The following AGBL4 variants were observed in gnomAD, a reference collection of about 807,000 sequenced individuals.
The protein encoded by AGBL4 is AGBL carboxypeptidase 4.
In AGBL4, 58 loss-of-function variants were observed where a neutral mutation model predicts 66.4. That is an observed-to-expected ratio of 0.87 (90% CI 0.71 to 1.09). AGBL4 has a LOEUF of 1.09. Ranked by LOEUF, AGBL4 falls within the 50% of genes least tolerant of loss-of-function variation. The pLI is 0.00. For missense variants in AGBL4, 579 were observed against 631.0 expected (o/e 0.92, Z 0.88); for synonymous variants, 234 against 222.9 (o/e 1.05, Z -0.44).
intron 5 of AGBL4, among the ~76,000 whole-genome samples, chr1:48,995,164 T>C (rs891328460): frequency 6.6e-6 from 1 of 152,180 alleles, no homozygotes; most frequent in African/African-American, 2.4e-5. Context: ...TCCCTCCATA[T>C]GTGATCTTCC....
intron 3 of AGBL4, among the ~76,000 whole-genome samples, chr1:49,464,291 A>T (rs1273388256): frequency 1.3e-5 from 2 of 151,826 alleles, no homozygotes. Flanking sequence ...GGAGATTATT[A>T]CTGTTTTACA....
intron 3 of AGBL4, among the ~76,000 whole-genome samples, chr1:49,481,003 T>G (rs1050616089): frequency 2.0e-5 from 3 of 152,082 alleles, no homozygotes; most frequent in Non-Finnish European, 2.9e-5. Context: ...TATGTGTGTG[T>G]TTTCATACCA....
intron 4 of AGBL4, among the ~76,000 whole-genome samples, chr1:49,078,939 A>G (rs552105737): frequency 2.0e-5 from 3 of 152,330 alleles, no homozygotes; most frequent in African/African-American, 7.2e-5. Flanking sequence ...TCCTTACTGC[A>G]GACTTCCAAG....
At chr1:49,804,101 T>C (rs1314227330) in intron 2 of AGBL4, among the ~76,000 whole-genome samples, 1 of 152,204 alleles carries the variant, frequency 6.6e-6, no homozygotes, top group East Asian at 1.9e-4. Flanking sequence ...TTACAGCTTC[T>C]CACAACAGAC....
At chr1:49,326,081 C>A (rs908041642) in intron 3 of AGBL4, among the ~76,000 whole-genome samples, 5 of 152,134 alleles carry the variant, frequency 3.3e-5, no homozygotes, top group African/African-American at 1.2e-4. Context: ...TGATAACGGA[C>A]TAATATAGAA....
chr1:48,693,631 A>G (rs1052669459), intron 6 of AGBL4, among the ~76,000 whole-genome samples: 25 of 152,198 alleles, frequency 1.6e-4, no homozygotes, highest in African/African-American at 6.0e-4. Flanking sequence ...TGGGCAGGTC[A>G]CTGCACCCAC....
chr1:49,538,566 C>T (rs1558032374), intron 3 of AGBL4, among the ~76,000 whole-genome samples: 1 of 152,050 alleles, frequency 6.6e-6, no homozygotes, highest in Non-Finnish European at 1.5e-5. Context: ...AAGTATTTGA[C>T]AGAGAAATAC....
chr1:48,698,974 C>T (rs1039949334), intron 6 of AGBL4, among the ~76,000 whole-genome samples: 2 of 152,210 alleles, frequency 1.3e-5, no homozygotes, highest in African/African-American at 4.8e-5. Context: ...CAATTTAACT[C>T]TCATTGGTGC....
chr1:49,768,539 G>T (rs1431651472), intron 2 of AGBL4, among the ~76,000 whole-genome samples: 1 of 152,030 alleles, frequency 6.6e-6, no homozygotes, highest in East Asian at 1.9e-4. Context: ...AATGATAAGA[G>T]CCATCTATGA....
intron 1 of AGBL4, among the ~76,000 whole-genome samples, chr1:49,941,972 C>T (rs1287122414): frequency 1.3e-5 from 2 of 152,006 alleles, no homozygotes; most frequent in African/African-American, 2.4e-5. Flanking sequence ...ACCCTTAAAA[C>T]ACCACCAGAA....
rs6697772 is a variant in AGBL4 at position 48,662,969 on chromosome 1, C to T, written c.724+183G>A. Among the ~76,000 whole-genome samples, 1,268 of 152,208 alleles carry T rather than the reference C, an allele frequency of 8.3e-3. 20 individuals are homozygous for T. Among genetic ancestry groups the T allele is most frequent in the African/African-American group, 0.028 (1,154 of 41,516 alleles). ...CCATTGATTAATTAATTCATACATA[C>T]GTCTAGTCAATAAACATTTATTGAA... On this transcript the variant is annotated intron_variant, in intron 7 of 13. Transcript: ENST00000371839.
intron 6 of AGBL4, chr1:48,818,131 G>A (rs12407298): frequency 0.023 from 16,600 of 706,718 alleles, 479 homozygotes; most frequent in Admixed American, 0.097. Flanking sequence ...AAACATTCCC[G>A]AGATTAGGTC....
chr1:48,956,894 T>C (rs1657495728), intron 5 of AGBL4, among the ~76,000 whole-genome samples: 1 of 152,204 alleles, frequency 6.6e-6, no homozygotes, highest in African/African-American at 2.4e-5. Context: ...TGATGCTTTA[T>C]AGAGGAAGTA....
In AGBL4 at chr1:49,586,682, A is replaced by G. The variant is rs138455384; in HGVS notation, c.282+110631T>C. ...ACTGACTGAATGAATGAATGAATAC[A>G]TTAATGTTTTATTCCAAGGGCAGTG... On this transcript the variant is annotated intron_variant, in intron 3 of 13. Coordinates refer to ENST00000371839, the MANE Select transcript of AGBL4 (RefSeq NM_032785.4). 2.0e-5 allele frequency among the ~76,000 whole-genome samples: 3 copies of G among 152,348 alleles called. No homozygotes were observed. The East Asian group carries it at 5.8e-4, about 29-fold the overall frequency.
chr1:49,803,149 T>C (rs1344983298), intron 2 of AGBL4, among the ~76,000 whole-genome samples: 1 of 151,684 alleles, frequency 6.6e-6, no homozygotes, highest in East Asian at 1.9e-4. Context: ...TTAATAAAAC[T>C]TTATATGTAA....
chr1:50,013,721 G>A (rs1307083887), intron 1 of AGBL4, among the ~76,000 whole-genome samples: 2 of 152,074 alleles, frequency 1.3e-5, no homozygotes, highest in African/African-American at 2.4e-5. Context: ...ATGACACAGG[G>A]TCTGATGTTC....
In AGBL4 at chr1:49,689,420, C is replaced by T. The variant is rs558950676; in HGVS notation, c.282+7893G>A. ...TCTTTTCTGAGTTCTCTATTCTGTT[C>T]CTTGGTCTATGTGTCTGCTTTTATG... is the stretch of plus-strand genomic sequence containing the variant. On this transcript the variant is annotated intron_variant, in intron 3 of 13. Transcript: ENST00000371839. Among the ~76,000 whole-genome samples the T allele has an allele frequency of 3.3e-5, 5 of 152,206 alleles. No individual in the cohort carries two copies. The South Asian group carries it at 1.0e-3, about 32-fold the overall frequency.
chr1:48,715,180 T>A (rs1320629537), intron 6 of AGBL4, among the ~76,000 whole-genome samples: 4 of 152,000 alleles, frequency 2.6e-5, no homozygotes, highest in Non-Finnish European at 5.9e-5. Flanking sequence ...GATAAGCACA[T>A]ACCTTGCCTC....
chr1:48,794,061 C>A (rs886258069), intron 6 of AGBL4, among the ~76,000 whole-genome samples: 1 of 152,142 alleles, frequency 6.6e-6, no homozygotes, highest in Non-Finnish European at 1.5e-5. Flanking sequence ...TGAAATTGAG[C>A]CCTCTCTAGG....
Sources: allele counts gnomAD v4.1 joint callset (sites outside exome capture counted in the v4.1 genomes callset), GRCh38; gene constraint gnomAD v4.1.1; transcripts MANE v1.5; gene names NCBI Gene and HGNC (gene_info 2026-07-23, HGNC 2026-07-21).